The following FSTL5 variants were observed in gnomAD, a reference collection of about 807,000 sequenced individuals.
FSTL5 encodes the protein follistatin-related protein 5.
Under a neutral mutation model 89.1 loss-of-function variants are expected in FSTL5, and 62 were observed. The ratio of observed to expected loss-of-function variants is 0.70; its 90% confidence interval spans 0.57 to 0.86. The LOEUF (loss-of-function observed/expected upper bound fraction) is 0.86, where lower values mean the gene tolerates loss of function less well. Among genes scored for constraint, FSTL5 ranks in the 40% least tolerant of loss-of-function variants. The pLI, the probability that FSTL5 is intolerant of heterozygous loss-of-function variation, is 0.00. For synonymous variants in FSTL5, 383 were observed against 346.2 expected (o/e 1.11, Z -1.18); for missense variants, 1,057 against 1,001.6 (o/e 1.06, Z -0.75).
chr4:161,461,260 C>T (rs980700224), intron 13 of FSTL5, among the ~76,000 whole-genome samples: 2 of 141,358 alleles, frequency 1.4e-5, no homozygotes, highest in East Asian at 2.1e-4. Context: ...ATAGATACCA[C>T]GGCGAAACCC....
intron 3 of FSTL5, among the ~76,000 whole-genome samples, chr4:161,989,709 G>C (rs987102261): frequency 6.6e-6 from 1 of 152,114 alleles, no homozygotes; most frequent in African/African-American, 2.4e-5. Context: ...ATGGTGAGTG[G>C]CTGGCAGAGG....
At chr4:161,556,157 T>A (rs1732383755) in intron 8 of FSTL5, among the ~76,000 whole-genome samples, 1 of 151,610 alleles carries the variant, frequency 6.6e-6, no homozygotes, top group Non-Finnish European at 1.5e-5. Flanking sequence ...AGCTCTTTTT[T>A]TAACTCACAT....
intron 7 of FSTL5, among the ~76,000 whole-genome samples, chr4:161,612,370 T>A (rs753076263): frequency 2.6e-5 from 4 of 152,214 alleles, no homozygotes; most frequent in Non-Finnish European, 5.9e-5. Flanking sequence ...ATTGTTGTGT[T>A]GTTCAGTCAA....
At chr4:162,071,028 T>C (rs145342217) in intron 2 of FSTL5, among the ~76,000 whole-genome samples, 3 of 151,774 alleles carry the variant, frequency 2.0e-5, no homozygotes, top group South Asian at 2.1e-4. Flanking sequence ...CTGATAACTA[T>C]AGAAATCCAT....
chr4:161,851,280 T>C (rs564369939), intron 4 of FSTL5, among the ~76,000 whole-genome samples: 3 of 152,202 alleles, frequency 2.0e-5, no homozygotes, highest in Non-Finnish European at 4.4e-5. Flanking sequence ...TATATAAAGA[T>C]AGAAGCTACT....
chr4:161,859,871 G>T (rs1180762054), intron 4 of FSTL5, among the ~76,000 whole-genome samples: 1 of 152,170 alleles, frequency 6.6e-6, no homozygotes. Flanking sequence ...TTCAAGGAAG[G>T]CTTTGAAGAT....
chr4:161,569,508 A>G (rs1732929205), intron 8 of FSTL5, among the ~76,000 whole-genome samples: 1 of 152,152 alleles, frequency 6.6e-6, no homozygotes, highest in Admixed American at 6.6e-5. Context: ...TTAAAGCCTA[A>G]GACAGCAATT....
At chr4:161,555,156 G>A (rs1732347084) in intron 8 of FSTL5, among the ~76,000 whole-genome samples, 1 of 151,066 alleles carries the variant, frequency 6.6e-6, no homozygotes, top group South Asian at 2.1e-4. Context: ...TTTTTAATTG[G>A]GTCTTCCTAT....
intron 6 of FSTL5, among the ~76,000 whole-genome samples, chr4:161,702,531 T>C (rs1475445014): frequency 6.6e-6 from 1 of 152,086 alleles, no homozygotes; most frequent in Admixed American, 6.6e-5. Context: ...ACTCAGAATG[T>C]TTTTACCACC....
intron 15 of FSTL5, among the ~76,000 whole-genome samples, chr4:161,404,329 G>A (rs958929777): frequency 5.9e-5 from 9 of 152,112 alleles, no homozygotes; most frequent in African/African-American, 2.2e-4. Context: ...GGATTATTTC[G>A]AAAAATGAAA....
At chr4:162,061,953 G>T (rs1159358060) in intron 2 of FSTL5, among the ~76,000 whole-genome samples, 1 of 151,956 alleles carries the variant, frequency 6.6e-6, no homozygotes, top group African/African-American at 2.4e-5. Context: ...AATAGTGCAT[G>T]TACTAAGAGC....
intron 4 of FSTL5, among the ~76,000 whole-genome samples, chr4:161,899,966 G>A (rs910797022): frequency 3.9e-5 from 6 of 152,214 alleles, no homozygotes; most frequent in East Asian, 1.9e-4. Flanking sequence ...TGGTCAAGGC[G>A]GATGGATCAC....
intron 8 of FSTL5, among the ~76,000 whole-genome samples, chr4:161,560,523 A>G (rs1465414085): frequency 1.3e-5 from 2 of 151,778 alleles, no homozygotes; most frequent in Admixed American, 1.3e-4. Context: ...TCAAATATAC[A>G]TTGTACAAAT....
chr4:162,045,243 A>T (rs1738126322), intron 2 of FSTL5, among the ~76,000 whole-genome samples: 2 of 152,116 alleles, frequency 1.3e-5, no homozygotes, highest in African/African-American at 4.8e-5. Flanking sequence ...TAATTGGCCT[A>T]ATTTCAGTAT....
intron 3 of FSTL5, among the ~76,000 whole-genome samples, chr4:162,029,949 T>C (rs1028900280): frequency 4.6e-5 from 7 of 150,586 alleles, no homozygotes; most frequent in Middle Eastern, 3.4e-3. Context: ...TCTTGTTCTG[T>C]CACCCAGGCT....
chr4:162,106,659 C>G (rs1731239279), intron 2 of FSTL5, among the ~76,000 whole-genome samples: 1 of 151,988 alleles, frequency 6.6e-6, no homozygotes, highest in African/African-American at 2.4e-5. Context: ...AACAGGGAGC[C>G]AAAATGGTAA....
At chr4:162,024,981 G>T (rs1040357906) in intron 3 of FSTL5, among the ~76,000 whole-genome samples, 1 of 151,844 alleles carries the variant, frequency 6.6e-6, no homozygotes, top group East Asian at 1.9e-4. Context: ...TTATTATAAC[G>T]TCAAATTCGT....
At chr4:161,401,931 AATTT>A (rs1202347118) in intron 15 of FSTL5, among the ~76,000 whole-genome samples, 1 of 152,344 alleles carries the variant, frequency 6.6e-6, no homozygotes, top group African/African-American at 2.4e-5. Flanking sequence ...AATGCTAATT[AATTT>A]AACACTCAAT....
At chr4:162,145,129 C>T (rs191835969) in intron 1 of FSTL5, among the ~76,000 whole-genome samples, 83 of 147,512 alleles carry the variant, frequency 5.6e-4, no homozygotes, top group African/African-American at 2.1e-3. Context: ...ATTACCAGTG[C>T]ACACACATAC....
Sources: allele counts gnomAD v4.1 joint callset (sites outside exome capture counted in the v4.1 genomes callset), GRCh38; gene constraint gnomAD v4.1.1; transcripts MANE v1.5; gene names NCBI Gene and HGNC (gene_info 2026-07-23, HGNC 2026-07-21).